The following ROBO2 variants were observed in gnomAD, a reference collection of about 807,000 sequenced individuals.
The protein encoded by ROBO2 is roundabout guidance receptor 2, also known as roundabout homolog 2.
In ROBO2, 53 loss-of-function variants were observed where a neutral mutation model predicts 160.8. The ratio of observed to expected loss-of-function variants is 0.33; its 90% CI spans 0.26 to 0.41. The LOEUF (loss-of-function observed/expected upper bound fraction) is 0.41. Ranked by LOEUF, ROBO2 falls within the 10% of genes least tolerant of loss-of-function variation. The probability of loss-of-function intolerance (pLI) is 1.00; values close to 1 mark genes in which losing one functional copy is unlikely to be tolerated. For missense variants in ROBO2, 1,577 were observed against 1,722.4 expected (o/e 0.92, Z 1.49); for synonymous variants, 664 against 611.7 (o/e 1.09, Z -1.26).
intron 2 of ROBO2, among the ~76,000 whole-genome samples, chr3:76,880,753 T>C (rs2073253811): frequency 6.6e-6 from 1 of 152,156 alleles, no homozygotes; most frequent in Admixed American, 6.5e-5. Context: ...TCATTCTTGA[T>C]AACGCTAGAT....
chr3:77,211,420 A>T (rs1673028027), intron 2 of ROBO2, among the ~76,000 whole-genome samples: 2 of 152,146 alleles, frequency 1.3e-5, no homozygotes, highest in African/African-American at 4.8e-5. Context: ...TCCTTTGCCC[A>T]CTTTTTGATG....
Position 75,993,820 on chromosome 3 carries a change from G to A in ROBO2, c.109+56218G>A, listed in dbSNP as rs1247235690. Among the ~76,000 whole-genome samples, 6 of 152,198 alleles carry A rather than the reference G, an allele frequency of 3.9e-5. No individual in the cohort carries two copies. In the East Asian group the frequency reaches 1.2e-3, roughly 29 times the overall value. ...ATCCAAAAACATACAGGCTTCCAGA[G>A]GCCTGTTGATTTACCAGCTATTCTC... On this transcript the variant is annotated intron_variant, in intron 2 of 26. Coordinates refer to the ROBO2 transcript ENST00000487694.
At chr3:76,194,910 G>A (rs370456621) in intron 2 of ROBO2, among the ~76,000 whole-genome samples, 31 of 152,212 alleles carry the variant, frequency 2.0e-4, no homozygotes, top group Admixed American at 8.5e-4. Context: ...GAGCCATTGC[G>A]CCAGGCCTAT....
chr3:77,056,833 A>G (rs1239589140), intron 1 of ROBO2, among the ~76,000 whole-genome samples: 1 of 152,218 alleles, frequency 6.6e-6, no homozygotes, highest in Non-Finnish European at 1.5e-5. Flanking sequence ...ATACACATAT[A>G]CACAGATGAA....
Position 77,471,293 on chromosome 3 carries a change from G to C in ROBO2, c.389-6121G>C, listed in dbSNP as rs552004492. ...ATTTAAGACAAAACAGAGAGGGTTT[G>C]GGGTGGGAAAGGATATGGGATTATA... On this transcript the variant is annotated intron_variant, in intron 2 of 25. Transcript: ENST00000461745. Among the ~76,000 whole-genome samples, 24 of 152,296 alleles carry C rather than the reference G, an allele frequency of 1.6e-4. No individual in the cohort carries two copies. The South Asian group carries it at 4.8e-3, about 30-fold the overall frequency.
intron 2 of ROBO2, among the ~76,000 whole-genome samples, chr3:76,261,012 T>C (rs540499442): frequency 6.6e-6 from 1 of 152,190 alleles, no homozygotes; most frequent in South Asian, 2.1e-4. Flanking sequence ...CAACGTACTG[T>C]AGTAAGAAAG....
intron 2 of ROBO2, among the ~76,000 whole-genome samples, chr3:77,456,608 G>T (rs2153567117): frequency 6.6e-6 from 1 of 152,306 alleles, no homozygotes; most frequent in South Asian, 2.1e-4. Flanking sequence ...ATTCTGAAGT[G>T]CCAAGGCAGC....
At chr3:76,978,197 G>A (rs912288050) in intron 2 of ROBO2, among the ~76,000 whole-genome samples, 3 of 152,078 alleles carry the variant, frequency 2.0e-5, no homozygotes, top group Non-Finnish European at 2.9e-5. Context: ...ACTTCAAGGT[G>A]GTGAGAGTAC....
rs144511177 is a variant in ROBO2, at chr3:76,212,665, C to T, written c.109+275063C>T. Among the ~76,000 whole-genome samples, 686 of 152,148 alleles carry T rather than the reference C, an allele frequency of 4.5e-3. 7 individuals are homozygous for T. Among genetic ancestry groups the T allele is most frequent in the African/African-American group, 0.016 (662 of 41,538 alleles). On this transcript the variant is annotated intron_variant, in intron 2 of 26. Coordinates refer to the ROBO2 transcript ENST00000487694. ...AATTACAAGTGTGGTAGGATTTATC[C>T]ATTTGATAATTAATTCTGATTCATC... is the stretch of plus-strand genomic sequence containing the variant.
At chr3:77,133,720 TAG>T (rs2076047892) in intron 2 of ROBO2, among the ~76,000 whole-genome samples, 1 of 152,002 alleles carries the variant, frequency 6.6e-6, no homozygotes, top group Non-Finnish European at 1.5e-5. Flanking sequence ...TGGACATATT[TAG>T]TAGTACATAG....
At chr3:75,954,033 A>G (rs770337623) in intron 2 of ROBO2, among the ~76,000 whole-genome samples, 12 of 151,826 alleles carry the variant, frequency 7.9e-5, no homozygotes, top group Non-Finnish European at 1.6e-4. Flanking sequence ...ATGTATTAAT[A>G]CCAGGTACAT....
At chr3:76,634,114 C>T (rs2090180914) in intron 2 of ROBO2, among the ~76,000 whole-genome samples, 1 of 152,228 alleles carries the variant, frequency 6.6e-6, no homozygotes, top group Non-Finnish European at 1.5e-5. Context: ...TATTTTCTCA[C>T]AGTTCAGCAA....
intron 23 of ROBO2, among the ~76,000 whole-genome samples, chr3:77,628,467 A>G (rs1263462528): frequency 6.9e-6 from 1 of 145,578 alleles, no homozygotes; most frequent in Admixed American, 6.9e-5. Context: ...GTAATTGTTT[A>G]CCTAAATCTT....
chr3:76,001,487 T>A (rs2065885240), intron 2 of ROBO2, among the ~76,000 whole-genome samples: 1 of 152,168 alleles, frequency 6.6e-6, no homozygotes, highest in South Asian at 2.1e-4. Flanking sequence ...CTCTTCAGTA[T>A]GTAAACTCAA....
chr3:76,841,841 G>T (rs2068301128), intron 2 of ROBO2, among the ~76,000 whole-genome samples: 3 of 152,202 alleles, frequency 2.0e-5, no homozygotes, highest in Admixed American at 1.3e-4. Flanking sequence ...GTGGCTGGCA[G>T]CTAGCTGAAG....
At chr3:76,736,237 G>C (rs1158997815) in intron 2 of ROBO2, among the ~76,000 whole-genome samples, 2 of 141,376 alleles carry the variant, frequency 1.4e-5, no homozygotes, top group Admixed American at 7.2e-5. Flanking sequence ...AGCCGAGATC[G>C]CGTCCCTGCA....
rs1483219672 is a variant in ROBO2 at position 77,607,932 on chromosome 3, G to T, written c.3271G>T (p.Ala1091Ser). ...TCCTGGCACGGAGCTGGAACACTAT[G>T]CAGTGGAACAACAAGAAAATGGGTA... The change falls in exon 21 of 26, where the codon GCA becomes TCA. Residue 1091 changes from alanine (A) to serine (S), a missense_variant. Around this residue, in one of 2 missense-constraint regions of ROBO2, gnomAD observed 637 missense variants for 586.9 expected, o/e 1.09. Transcript: ENST00000461745. The T allele has an allele frequency of 1.2e-6, 2 of 1,613,734 alleles. No homozygotes were observed. The highest frequency in any genetic ancestry group is 1.3e-5 in the African/African-American group (1 of 74,914).
intron 2 of ROBO2, among the ~76,000 whole-genome samples, chr3:77,282,149 A>AT (rs71104669): frequency 0.63 from 95,168 of 151,884 alleles, 32,624 homozygotes; most frequent in Non-Finnish European, 0.79. Context: ...ATAATCAACC[A>AT]TTTTTTTCTA....
chr3:76,921,978 C>T (rs957630120), intron 2 of ROBO2, among the ~76,000 whole-genome samples: 17 of 151,970 alleles, frequency 1.1e-4, no homozygotes, highest in East Asian at 3.9e-4. Flanking sequence ...TGTGAGATGC[C>T]TTTCTATGAA....
Sources: allele counts gnomAD v4.1 joint callset (sites outside exome capture counted in the v4.1 genomes callset), GRCh38; gene constraint gnomAD v4.1.1; regional missense constraint gnomAD v4.1.1; transcripts MANE v1.5; gene names NCBI Gene and HGNC (gene_info 2026-07-23, HGNC 2026-07-21).